VSIG10: variants seen among roughly 807,000 people sequenced by gnomAD.
VSIG10 encodes the protein V-set and immunoglobulin domain-containing protein 10.
Under a neutral mutation model 58.7 loss-of-function variants are expected in VSIG10, and 48 were observed. That is an observed-to-expected ratio of 0.82 (90% confidence interval 0.65 to 1.04). The LOEUF (loss-of-function observed/expected upper bound fraction) is 1.04, where lower values mean the gene tolerates loss of function less well. VSIG10 is among the 50% of genes least tolerant of loss of function. The pLI, the probability that VSIG10 is intolerant of heterozygous loss-of-function variation, is 0.00. For missense variants in VSIG10, 628 were observed against 670.0 expected (o/e 0.94, Z 0.69); for synonymous variants, 260 against 267.1 (o/e 0.97, Z 0.26).
At chr12:118,089,285 G>T (rs368900790) in intron 2 of VSIG10, among the ~76,000 whole-genome samples, 1 of 152,030 alleles carries the variant, frequency 6.6e-6, no homozygotes, top group East Asian at 1.9e-4. Flanking sequence ...GCAAGTTCAC[G>T]TTCATTGCAA....
Position 118,071,409 on chromosome 12 carries a change from G to A in VSIG10, c.1280C>T (p.Ala427Val), listed in dbSNP as rs1444976812. 3.0e-5 allele frequency: 48 copies of A among 1,613,766 alleles called. 2 individuals carry two copies. The Admixed American group carries it at 7.5e-4, about 25-fold the overall frequency. ...TIVSLLLLGL[A>V]IISGLLLHYS... ...ATGCAACAGAAGCCCTGAGATAATG[G>A]CCAGTCCCAGCAGAAGGAGGCTCAC... Residue 427 changes from alanine (A) to valine (V), a missense_variant, in exon 6 of 9, where the codon GCC (alanine) becomes GTC (valine). By Grantham distance (64) the Ala-to-Val change is moderately conservative. Transcript: ENST00000359236.
At position 118,095,678 on chromosome 12, in the gene VSIG10, G is replaced by C. The variant is rs754827323; in HGVS notation, c.216C>G (p.Ser72Arg). Reference sequence around the variant, plus strand: ...AGAAGCGAGGCTCAGCTGGCCGGAGGCTAGAGTTGGACGAGAGAAGGAAGA... The same window carrying C: ...AGAAGCGAGGCTCAGCTGGCCGGAGCCTAGAGTTGGACGAGAGAAGGAAGA... ...EPVFLLSSNSSLRPAEPRFSL... is the reference protein window; with the variant it reads ...EPVFLLSSNSRLRPAEPRFSL... Residue 72 changes from serine (S) to arginine (R), a missense_variant, in exon 2 of 9, where the codon AGC becomes AGG. Physicochemically the swap from Ser to Arg is moderately radical, Grantham distance 110. Transcript: ENST00000359236. 1.2e-6 allele frequency: 2 copies of C among 1,613,858 alleles called. No homozygotes were observed. The highest frequency in any genetic ancestry group is 2.7e-5 in the African/African-American group (2 of 74,930).
In VSIG10 at chr12:118,071,278, G is replaced by A; in HGVS notation, c.1330+81C>T. 3.5e-6 allele frequency: 5 copies of A among 1,409,458 alleles called. No homozygotes were observed. The South Asian group carries it at 5.9e-5, about 17-fold the overall frequency. 87.3% of individuals were successfully genotyped at this position (1,409,458 alleles called of 1,614,324 possible). A position where few individuals can be genotyped will look rare whatever the true frequency, so the allele number is the denominator to read the frequency against. ...CCAGAGAACAGAACTTCAGGTGGGA[G>A]CAAGGCAGGGGCCATCCTTCCCCAT... is the stretch of plus-strand genomic sequence containing the variant. On this transcript the variant is annotated intron_variant, in intron 6 of 8. Transcript: ENST00000359236.
chr12:118,102,594 A>G (rs1367297023), intron 1 of VSIG10: 2 of 152,128 alleles, frequency 1.3e-5, no homozygotes, highest in African/African-American at 2.4e-5. Context: ...GGTTGGTTAA[A>G]AAAAAAAAAG....
In VSIG10 at chr12:118,103,729, CCCA is replaced by C; in HGVS notation, c.-61_-59del. The C allele has an allele frequency of 2.2e-6, 3 of 1,385,520 alleles. No individual in the cohort carries two copies. The highest frequency in any genetic ancestry group is 2.8e-6 in the Non-Finnish European group (3 of 1,075,008). The allele number at this position is 1,385,520 out of a possible 1,614,324, so 85.8% of individuals were successfully genotyped here. On this transcript the variant is annotated 5_prime_UTR_variant, in exon 1 of 9. Coordinates refer to ENST00000359236, the MANE Select transcript of VSIG10 (RefSeq NM_019086.6). Reference sequence around the variant, plus strand: ...CTCGGGCTGGGCTGGACGTGTGTGCCCCAGGGCCCCGGGGCCCGGGGTACCGAG... The same window carrying C: ...CTCGGGCTGGGCTGGACGTGTGTGCCGGGCCCCGGGGCCCGGGGTACCGAG...
intron 1 of VSIG10, chr12:118,101,702 C>T (rs1213583339): frequency 6.6e-6 from 1 of 152,142 alleles, no homozygotes. Flanking sequence ...TATAAGTTGT[C>T]TGGCATTGAA....
At chr12:118,070,910 T>C in intron 7 of VSIG10, 142 bp downstream of exon 7, 1 of 993,014 alleles carries the variant, frequency 1.0e-6, no homozygotes, top group East Asian at 2.6e-5. Context: ...GAATACCTGA[T>C]GAAATCCCTA....
intron 2 of VSIG10, 61 bp downstream of exon 2, chr12:118,095,472 T>C: frequency 6.3e-7 from 1 of 1,591,510 alleles, no homozygotes; most frequent in Admixed American, 1.7e-5. Context: ...CTGACCATGG[T>C]CTCCTCCTTT....
At chr12:118,076,369 T>C (rs74432707) in intron 4 of VSIG10, among the ~76,000 whole-genome samples, 2 of 110,578 alleles carry the variant, frequency 1.8e-5, no homozygotes, top group South Asian at 3.1e-4. Flanking sequence ...GCACGGTCCC[T>C]TTTTTTTTTT....
At chr12:118,067,101 T>C (rs933733162) in intron 8 of VSIG10, among the ~76,000 whole-genome samples, 2 of 152,162 alleles carry the variant, frequency 1.3e-5, no homozygotes, top group African/African-American at 4.8e-5. Flanking sequence ...CTCATCTCAC[T>C]GCAGCCTCAA....
intron 1 of VSIG10, among the ~76,000 whole-genome samples, chr12:118,101,395 A>T (rs1359352910): frequency 6.6e-6 from 1 of 152,164 alleles, no homozygotes; most frequent in Non-Finnish European, 1.5e-5. Flanking sequence ...TCACTGGGAG[A>T]TGTGGGATTG....
At chr12:118,076,665 C>T (rs1593504585) in intron 4 of VSIG10, among the ~76,000 whole-genome samples, 1 of 148,690 alleles carries the variant, frequency 6.7e-6, no homozygotes, top group African/African-American at 2.4e-5. Flanking sequence ...ATCTCTCTTA[C>T]CTTTCCCTTT....
In VSIG10 at chr12:118,103,729, C is replaced by G; in HGVS notation, c.-58G>C. ...CTCGGGCTGGGCTGGACGTGTGTGC[C>G]CCAGGGCCCCGGGGCCCGGGGTACC... is the stretch of plus-strand genomic sequence containing the variant. On this transcript the variant is annotated 5_prime_UTR_variant, in exon 1 of 9. Coordinates refer to ENST00000359236, the MANE Select transcript of VSIG10 (RefSeq NM_019086.6). The G allele has an allele frequency of 7.2e-7, 1 of 1,385,520 alleles. No individual in the cohort carries two copies. Among genetic ancestry groups the G allele is most frequent in the South Asian group, 1.6e-5 (1 of 63,420 alleles). The allele number at this position is 1,385,520 out of a possible 1,614,324, so 85.8% of individuals were successfully genotyped here. A position where few individuals can be genotyped will look rare whatever the true frequency, so the allele number is the denominator to read the frequency against.
At chr12:118,078,662 C>T (rs1406158765) in intron 4 of VSIG10, among the ~76,000 whole-genome samples, 3 of 152,000 alleles carry the variant, frequency 2.0e-5, no homozygotes, top group Admixed American at 6.6e-5. Context: ...TAATTTTCAG[C>T]TAGGTGCGGT....
intron 3 of VSIG10, among the ~76,000 whole-genome samples, chr12:118,080,419 C>G (rs2137893194): frequency 6.6e-6 from 1 of 152,206 alleles, no homozygotes; most frequent in South Asian, 2.1e-4. Flanking sequence ...CTCGGCCTCC[C>G]AAAGCGCTGA....
At chr12:118,096,171 T>C (rs1371546412) in intron 1 of VSIG10, among the ~76,000 whole-genome samples, 2 of 151,772 alleles carry the variant, frequency 1.3e-5, no homozygotes, top group Non-Finnish European at 2.9e-5. Context: ...TCAGGAAAAG[T>C]CAGGCTCATG....
intron 2 of VSIG10, among the ~76,000 whole-genome samples, chr12:118,084,608 G>C (rs1199212831): frequency 6.6e-6 from 1 of 152,162 alleles, no homozygotes; most frequent in Middle Eastern, 3.4e-3. Flanking sequence ...GGCCAGGCAC[G>C]GTGGCTCATC....
intron 4 of VSIG10, 73 bp from the exon 5 acceptor site, chr12:118,074,065 C>T (rs1396435536): frequency 7.0e-7 from 1 of 1,433,952 alleles, no homozygotes; most frequent in East Asian, 2.4e-5. Flanking sequence ...TGCAGGAAAA[C>T]TGCAGTAGTT....
chr12:118,086,918 G>A (rs1038973857), intron 2 of VSIG10, among the ~76,000 whole-genome samples: 4 of 151,892 alleles, frequency 2.6e-5, no homozygotes, highest in Non-Finnish European at 5.9e-5. Context: ...GTGTCACCAC[G>A]CCCAGCTAAT....
Sources: allele counts gnomAD v4.1 joint callset (sites outside exome capture counted in the v4.1 genomes callset), GRCh38; gene constraint gnomAD v4.1.1; transcripts MANE v1.5; gene names NCBI Gene and HGNC (gene_info 2026-07-23, HGNC 2026-07-21).